The following NDRG4 variants were observed in gnomAD, a reference collection of about 807,000 sequenced individuals.
NDRG4 encodes the protein protein NDRG4.
In NDRG4, 38 loss-of-function variants were observed where a neutral mutation model predicts 55.8. That is an observed-to-expected ratio of 0.68 (90% CI 0.53 to 0.89). The LOEUF is 0.89. NDRG4 is among the 40% of genes least tolerant of loss of function. The pLI is 0.00. For missense variants in NDRG4, 455 were observed against 468.6 expected, an observed-to-expected ratio of 0.97 and a Z score of 0.27; for synonymous variants, 190 against 182.7, an observed-to-expected ratio of 1.04 and a Z score of -0.32.
intron 5 of NDRG4, chr16:58,506,158 C>CTGTGTGTGTGTGTGTGTGTG (rs1555486673): frequency 2.4e-6 from 1 of 412,678 alleles, no homozygotes; most frequent in Non-Finnish European, 4.4e-6. Context: ...GTGTGTGTGT[C>CTGTGTGTGTGTGTGTGTGTG]TGTGTGTGTG....
intron 1 of NDRG4, among the ~76,000 whole-genome samples, chr16:58,467,999 AG>A (rs1415124248): frequency 6.6e-6 from 1 of 152,004 alleles, no homozygotes; most frequent in Admixed American, 6.6e-5. Context: ...GGCCTCTCTG[AG>A]CTGTGTCTCT....
In NDRG4 at chr16:58,464,306, T is replaced by C. The variant is rs909295439; in HGVS notation, c.-24+509T>C. On this transcript the variant is annotated intron_variant, in intron 1 of 15. Transcript: ENST00000258187. The surrounding 1 kb of genome is among the most constrained non-coding windows in gnomAD (Gnocchi z 4.8). ...GAGAGCGCTCCTGGCTGTGAGCTGC[T>C]CCTGCCGCTTCGCTCCGCGCTCTCC... The C allele has an allele frequency of 5.1e-6, 4 of 782,556 alleles. No individual in the cohort carries two copies. Among genetic ancestry groups the C allele is most frequent in the Non-Finnish European group, 7.2e-6 (4 of 557,920 alleles). The allele number at this position is 782,556 out of a possible 1,614,324, so 48.5% of individuals were successfully genotyped here. A position where few individuals can be genotyped will look rare whatever the true frequency, so the allele number is the denominator to read the frequency against.
intron 1 of NDRG4, among the ~76,000 whole-genome samples, chr16:58,476,221 GGATT>G (rs2033607837): frequency 6.6e-6 from 1 of 152,156 alleles, no homozygotes; most frequent in Admixed American, 6.5e-5. Context: ...TAAAATATGG[GGATT>G]ATTATTAAGG....
At position 58,464,885 on chromosome 16, in the gene NDRG4, G is replaced by T. The variant is rs1477648259; in HGVS notation, c.-24+1088G>T. On this transcript the variant is annotated intron_variant, in intron 1 of 15. Coordinates refer to the NDRG4 transcript ENST00000258187. This position sits in a 1 kb window ranked among gnomAD's most constrained non-coding sequence, Gnocchi z 4.8. ...CAATCTGAGCCGTCTTTCTCTGGGGGAGAAGTTTCTTGCTGGGAGTGGAGG... is the reference window on the plus strand; with the variant it reads ...CAATCTGAGCCGTCTTTCTCTGGGGTAGAAGTTTCTTGCTGGGAGTGGAGG... 6 of 1,182,354 alleles carry T rather than the reference G, an allele frequency of 5.1e-6. No homozygotes were observed. The highest frequency in any genetic ancestry group is 5.3e-6 in the Non-Finnish European group (5 of 942,654). The allele number at this position is 1,182,354 out of a possible 1,614,324, so 73.2% of individuals were successfully genotyped here.
intron 2 of NDRG4, chr16:58,494,933 C>A (rs1396850640): frequency 6.2e-7 from 1 of 1,612,474 alleles, no homozygotes. Context: ...CAGGGCCTAA[C>A]TTGCCACCCC....
intron 2 of NDRG4, among the ~76,000 whole-genome samples, chr16:58,488,400 A>G (rs1220714148): frequency 6.6e-6 from 1 of 152,112 alleles, no homozygotes; most frequent in Non-Finnish European, 1.5e-5. Flanking sequence ...AGTGACTTTC[A>G]TGCCACCCTT....
In NDRG4 at chr16:58,476,460, G is replaced by A. The variant is rs141220882; in HGVS notation, c.-23-11296G>A. Among the ~76,000 whole-genome samples the A allele has an allele frequency of 2.7e-3, 412 of 152,288 alleles. 7 individuals carry two copies. The highest frequency in any genetic ancestry group is 9.1e-3 in the African/African-American group (378 of 41,560). ...GTAGAGAAGCAGAGTTTACACGTTG[G>A]TGCTGTACATCACCTTCTTACTTTA... On this transcript the variant is annotated intron_variant, in intron 1 of 15. Transcript: ENST00000258187.
upstream of NDRG4, among the ~76,000 whole-genome samples, chr16:58,496,656 T>G (rs2036446754): frequency 6.6e-6 from 1 of 152,106 alleles, no homozygotes; most frequent in Non-Finnish European, 1.5e-5. Context: ...ACTCCATTTG[T>G]CTACCGCATT....
upstream of NDRG4, chr16:58,499,313 A>T (rs1236847404): frequency 1.3e-5 from 2 of 152,358 alleles, no homozygotes; most frequent in Non-Finnish European, 2.9e-5. Flanking sequence ...TGTCAATGTC[A>T]GCAAGCTGCC....
intron 5 of NDRG4, chr16:58,505,969 G>A (rs1328457607): frequency 7.0e-5 from 22 of 313,932 alleles, no homozygotes; most frequent in Admixed American, 4.0e-4. Context: ...TGATCAGCCC[G>A]CCTTGGCCTC....
chr16:58,504,075 G>A (rs2037520889), intron 2 of NDRG4, 79 bp from the exon 3 acceptor site: 1 of 1,600,614 alleles, frequency 6.2e-7, no homozygotes, highest in South Asian at 1.1e-5. Context: ...CTTCTGCCTT[G>A]CCTGCCCTCT....
At position 58,504,663 on chromosome 16, in the gene NDRG4, T is replaced by G; in HGVS notation, c.372+14T>G. 6.2e-7 allele frequency: 1 copy of G among 1,614,178 alleles called. No homozygotes were observed. The highest frequency in any genetic ancestry group is 1.7e-5 in the Admixed American group (1 of 60,034). ...GCCAAGTTTGCAGTGAGTCTCCCCA[T>G]GCCCCCATTACCCCAAACACCAGGG... On this transcript the variant is annotated intron_variant, in intron 5 of 14. Transcript: ENST00000570248.
At chr16:58,483,257 A>G (rs1318200633) in intron 1 of NDRG4, among the ~76,000 whole-genome samples, 1 of 152,168 alleles carries the variant, frequency 6.6e-6, no homozygotes, top group African/African-American at 2.4e-5. Flanking sequence ...TAACCCTAAT[A>G]ATCAGAGGGT....
Position 58,513,279 on chromosome 16 carries a change from TCTC to T in NDRG4, c.*1705_*1707del, listed in dbSNP as rs769398505. On this transcript the variant is annotated 3_prime_UTR_variant, in exon 15 of 15. Coordinates refer to ENST00000570248, the MANE Select transcript of NDRG4 (RefSeq NM_001242835.2). ...GAACTTTTAATGTTTATTATTTTCT[TCTC>T]CGCACAAAGTAAAGAGCCTAATTTT... The T allele has an allele frequency of 2.0e-5, 3 of 152,244 alleles. No homozygotes were observed. The highest frequency in any genetic ancestry group is 4.4e-5 in the Non-Finnish European group (3 of 68,034). 9.4% of individuals were successfully genotyped at this position (152,244 alleles called of 1,614,324 possible). A position where few individuals can be genotyped will look rare whatever the true frequency, so the allele number is the denominator to read the frequency against.
intron 10 of NDRG4, 87 bp from the exon 11 acceptor site, chr16:58,508,875 T>C: frequency 6.8e-7 from 1 of 1,469,142 alleles, no homozygotes; most frequent in Non-Finnish European, 9.4e-7. Flanking sequence ...CCCCCTCTCC[T>C]CCCCGAGCTT....
At chr16:58,468,250 C>T (rs1274476165) in intron 1 of NDRG4, among the ~76,000 whole-genome samples, 4 of 152,150 alleles carry the variant, frequency 2.6e-5, no homozygotes, top group Admixed American at 2.0e-4. Context: ...GAATGCTTGT[C>T]GAGGCCATTT....
rs1039231010 is a variant in NDRG4 at position 58,513,143 on chromosome 16, G to A, written c.*1567G>A. The A allele has an allele frequency of 2.7e-5, 4 of 147,476 alleles. No homozygotes were observed. The highest frequency in any genetic ancestry group is 5.9e-5 in the Non-Finnish European group (4 of 67,348). The allele number at this position is 147,476 out of a possible 1,614,324, so 9.1% of individuals were successfully genotyped here. On this transcript the variant is annotated 3_prime_UTR_variant, in exon 15 of 15. Coordinates refer to ENST00000570248, the MANE Select transcript of NDRG4 (RefSeq NM_001242835.2). ...ATTTTGTTTTTTGCTGTTTCCAGAT[G>A]TATCTATAAATATCTATACATTATA... is the stretch of plus-strand genomic sequence containing the variant.
upstream of NDRG4, among the ~76,000 whole-genome samples, chr16:58,496,541 G>T (rs1324418159): frequency 6.6e-6 from 1 of 152,018 alleles, no homozygotes; most frequent in Non-Finnish European, 1.5e-5. Flanking sequence ...TGCCTCCGTG[G>T]GGGCAGCCAG....
chr16:58,512,326 G>A lies in NDRG4; in HGVS notation c.*750G>A, dbSNP rs370859075. On this transcript the variant is annotated 3_prime_UTR_variant, in exon 15 of 15. Coordinates refer to ENST00000570248, the MANE Select transcript of NDRG4 (RefSeq NM_001242835.2). ...TTGCCTGGTCCTCTGTCCCCACAGT[G>A]ACCTGACTGGGGGTGAGGGAGAAGG... 26 of 340,488 alleles carry A rather than the reference G, an allele frequency of 7.6e-5. No individual in the cohort carries two copies. Among genetic ancestry groups the A allele is most frequent in the South Asian group, 5.5e-4 (26 of 46,926 alleles). The allele number at this position is 340,488 out of a possible 1,614,324, so 21.1% of individuals were successfully genotyped here. A position where few individuals can be genotyped will look rare whatever the true frequency, so the allele number is the denominator to read the frequency against.
Sources: gnomAD v4.1 joint callset for allele counts (sites outside exome capture counted in the v4.1 genomes callset) on GRCh38, gnomAD v4.1.1 for gene constraint, Gnocchi (gnomAD v3.1) non-coding constraint, MANE v1.5 for transcripts, NCBI Gene and HGNC (gene_info 2026-07-23, HGNC 2026-07-21) for gene names.